TRIO: variants seen among roughly 807,000 people sequenced by gnomAD.
The protein encoded by TRIO is trio Rho guanine nucleotide exchange factor.
In TRIO, 58 loss-of-function variants were observed where a neutral mutation model predicts 351.9. The ratio of observed to expected loss-of-function variants is 0.16; its 90% CI spans 0.13 to 0.21. The LOEUF (loss-of-function observed/expected upper bound fraction) is 0.21. TRIO is among the 10% of genes least tolerant of loss of function. The probability of loss-of-function intolerance (pLI) is 1.00; values close to 1 mark genes in which losing one functional copy is unlikely to be tolerated. For missense variants in TRIO, 3,201 were observed against 4,027.8 expected, an observed-to-expected ratio of 0.79 and a Z score of 5.56; for synonymous variants, 1,758 against 1,595.7, an observed-to-expected ratio of 1.10 and a Z score of -2.42.
In TRIO at chr5:14,488,122, C is replaced by T. The variant is rs1332169150; in HGVS notation, c.7494C>T (p.Gly2498=). The T allele has an allele frequency of 1.9e-6, 3 of 1,609,468 alleles. No individual in the cohort carries two copies. The highest frequency in any genetic ancestry group is 1.1e-5 in the South Asian group (1 of 90,990). The change falls in exon 48 of 57, where the codon GGC becomes GGT. Residue 2498 remains glycine (G), a synonymous_variant. Transcript: ENST00000344204. ...SIPASPASRP[G]SFTFPGDSDS... is the part of the protein sequence containing the mutation. ...CCGCCTCCCCCGCCAGCCGACCCGG[C>T]TCCTTCACCTTCCCGGGGGACAGCG...
chr5:14,164,228 A>G (rs1168280993), intron 1 of TRIO, among the ~76,000 whole-genome samples: 1 of 152,252 alleles, frequency 6.6e-6, no homozygotes. Context: ...AGGTAATTAT[A>G]TCAGAAAGCA....
rs765236902 is a variant in TRIO at position 14,387,692 on chromosome 5, G to C, written c.3766-40G>C. On this transcript the variant is annotated intron_variant, in intron 22 of 56. Transcript: ENST00000344204. ...TCTTCTTCCTAACGCCCTCTCTGCT[G>C]ATTTAATTAACTGAGTTCATTGGCT... is the stretch of plus-strand genomic sequence containing the variant. 6 of 1,610,566 alleles carry C rather than the reference G, an allele frequency of 3.7e-6. No individual in the cohort carries two copies. The South Asian group carries it at 6.6e-5, about 18-fold the overall frequency.
chr5:14,473,238 A>C (rs1453000557), intron 39 of TRIO, among the ~76,000 whole-genome samples: 1 of 152,226 alleles, frequency 6.6e-6, no homozygotes, highest in Non-Finnish European at 1.5e-5. Context: ...AATCCCTGCC[A>C]GTCAATTCGG....
At position 14,286,849 on chromosome 5, in the gene TRIO, G is replaced by A; in HGVS notation, c.348-22G>A. 3 of 1,605,970 alleles carry A rather than the reference G, an allele frequency of 1.9e-6. No individual in the cohort carries two copies. Among genetic ancestry groups the A allele is most frequent in the Non-Finnish European group, 2.6e-6 (3 of 1,175,722 alleles). ...TGGCAAGAGATGTAACCCGTCTTCA[G>A]CCATGTTTTCTTTCTCTGCAGCGAG... On this transcript the variant is annotated intron_variant, in intron 3 of 56. Transcript: ENST00000344204. This position sits in a 1 kb window ranked among gnomAD's most constrained non-coding sequence, Gnocchi z 4.4.
Position 14,405,494 on chromosome 5 carries a change from C to T in TRIO, c.4717-354C>T, listed in dbSNP as rs192995200. ...GCAGTATGCCCCCTACTGACCAGTG[C>T]GCAGTGTTTGCCTCAATAGCCTCAG... On this transcript the variant is annotated intron_variant, in intron 31 of 56. Coordinates refer to ENST00000344204, the MANE Select transcript of TRIO (RefSeq NM_007118.4). 6.6e-5 allele frequency among the ~76,000 whole-genome samples: 10 copies of T among 152,212 alleles called. No homozygotes were observed. In the South Asian group the frequency reaches 8.3e-4, roughly 13 times the overall value.
In TRIO at chr5:14,498,019, G is replaced by A. The variant is rs572418046; in HGVS notation, c.8048-70G>A. The A allele has an allele frequency of 2.4e-5, 38 of 1,611,392 alleles. No individual in the cohort carries two copies. In the East Asian group the frequency reaches 6.2e-4, roughly 26 times the overall value. ...GCAGGTTAGGTCCTATCAATCTGTC[G>A]GGGACATGTGGGTGGGTGTGGAGGA... On this transcript the variant is annotated intron_variant, in intron 51 of 56. Coordinates refer to ENST00000344204, the MANE Select transcript of TRIO (RefSeq NM_007118.4).
chr5:14,240,074 C>T (rs1581424252), intron 1 of TRIO, among the ~76,000 whole-genome samples: 1 of 152,206 alleles, frequency 6.6e-6, no homozygotes, highest in African/African-American at 2.4e-5. Flanking sequence ...ACTTTCCTTC[C>T]TTTGCAACCT....
At chr5:14,176,983 A>G (rs955336154) in intron 1 of TRIO, among the ~76,000 whole-genome samples, 4 of 152,186 alleles carry the variant, frequency 2.6e-5, no homozygotes, top group Non-Finnish European at 4.4e-5. Flanking sequence ...TGACCATTAC[A>G]TTTAGTTTTT....
chr5:14,304,716 C>A, intron 8 of TRIO, 124 bp downstream of exon 8: 1 of 1,139,470 alleles, frequency 8.8e-7, no homozygotes, highest in African/African-American at 1.6e-5. Flanking sequence ...AGTTAGACTG[C>A]AGTTTAATTG....
Position 14,212,604 on chromosome 5 carries a change from G to A in TRIO, c.158-58221G>A, listed in dbSNP as rs142856752. Among the ~76,000 whole-genome samples, 11 of 152,270 alleles carry A rather than the reference G, an allele frequency of 7.2e-5. No homozygotes were observed. The East Asian group carries it at 1.3e-3, about 19-fold the overall frequency. On this transcript the variant is annotated intron_variant, in intron 1 of 56. Coordinates refer to ENST00000344204, the MANE Select transcript of TRIO (RefSeq NM_007118.4). ...AAAATAGCAGAAGTGCCTGAGGAAG[G>A]CCTGTGGTGGGTGGGTAAGAATTGT...
intron 1 of TRIO, among the ~76,000 whole-genome samples, chr5:14,145,288 T>C (rs1392556840): frequency 6.6e-6 from 1 of 152,240 alleles, no homozygotes; most frequent in African/African-American, 2.4e-5. Context: ...CCTGGTTTAG[T>C]ACTGTCTTCT....
At chr5:14,267,150 C>T (rs1454262241) in intron 1 of TRIO, among the ~76,000 whole-genome samples, 1 of 152,160 alleles carries the variant, frequency 6.6e-6, no homozygotes, top group Non-Finnish European at 1.5e-5. Flanking sequence ...GGGCCATTTA[C>T]CCTCTGGTTA....
rs1741449382 is a variant in TRIO at position 14,336,712 on chromosome 5, C to T, written c.2031C>T (p.His677=). ...KILLDMSVSF[H]THVKELWTWL... Reference sequence around the variant, plus strand: ...TACTGGACATGTCAGTGTCCTTTCACACCCATGTGAAAGAGGTAAGGTGCC... The same window carrying T: ...TACTGGACATGTCAGTGTCCTTTCATACCCATGTGAAAGAGGTAAGGTGCC... The change falls in exon 11 of 57, where the codon CAC becomes CAT. Residue 677 remains histidine, a synonymous_variant. Transcript: ENST00000344204. The T allele has an allele frequency of 1.2e-6, 2 of 1,614,096 alleles. No individual in the cohort carries two copies.
At chr5:14,271,000 T>G (rs1795945502) in intron 2 of TRIO, 101 bp downstream of exon 2, 6 of 843,142 alleles carry the variant, frequency 7.1e-6, no homozygotes, top group Admixed American at 2.6e-5. Context: ...ATAAAAACAT[T>G]GGCATTTCTA....
chr5:14,312,590 G>T (rs1180405722), intron 8 of TRIO, among the ~76,000 whole-genome samples: 1 of 152,172 alleles, frequency 6.6e-6, no homozygotes, highest in African/African-American at 2.4e-5. Flanking sequence ...ATTTAATAAG[G>T]TTGATTTTCT....
chr5:14,248,060 C>T (rs1242733886), intron 1 of TRIO, among the ~76,000 whole-genome samples: 11 of 98,762 alleles, frequency 1.1e-4, no homozygotes, highest in African/African-American at 2.9e-4. Context: ...AGCGAGACTC[C>T]GTCTCAAAAA....
intron 19 of TRIO, among the ~76,000 whole-genome samples, chr5:14,375,692 G>A (rs1297291806): frequency 6.6e-6 from 1 of 152,198 alleles, no homozygotes; most frequent in Non-Finnish European, 1.5e-5. Flanking sequence ...CCAGGAGCTT[G>A]AGGAAGCCCC....
intron 1 of TRIO, among the ~76,000 whole-genome samples, chr5:14,189,450 G>A (rs958349802): frequency 6.6e-6 from 1 of 152,162 alleles, no homozygotes; most frequent in Non-Finnish European, 1.5e-5. Context: ...TGAGGAGGGC[G>A]GAAAGAAGGG....
At chr5:14,438,483 T>C (rs1751769981) in intron 34 of TRIO, among the ~76,000 whole-genome samples, 1 of 152,216 alleles carries the variant, frequency 6.6e-6, no homozygotes, top group African/African-American at 2.4e-5. Flanking sequence ...CTGTAATTTG[T>C]TCCCAGTTAA....
Sources: allele counts gnomAD v4.1 joint callset (sites outside exome capture counted in the v4.1 genomes callset), GRCh38; gene constraint gnomAD v4.1.1; non-coding constraint Gnocchi (gnomAD v3.1); transcripts MANE v1.5; gene names NCBI Gene and HGNC (gene_info 2026-07-23, HGNC 2026-07-21).